The following ZNF652 variants were observed in gnomAD, a reference collection of about 807,000 sequenced individuals.
ZNF652 encodes the protein zinc finger protein 652.
A neutral mutation model predicts 45.2 loss-of-function variants in ZNF652; 16 were observed. The ratio of observed to expected loss-of-function variants is 0.35; its 90% confidence interval spans 0.24 to 0.54. The LOEUF is 0.54. Ranked by LOEUF, ZNF652 falls within the 20% of genes least tolerant of loss-of-function variation. The probability of loss-of-function intolerance (pLI) is 0.91; values close to 1 mark genes in which losing one functional copy is unlikely to be tolerated. For synonymous variants in ZNF652, 250 were observed against 260.6 expected, an observed-to-expected ratio of 0.96 and a Z score of 0.39; for missense variants, 614 against 765.6, an observed-to-expected ratio of 0.80 and a Z score of 2.34.
rs147522359 is a variant in ZNF652, at chr17:49,295,937, C to CAAAAAAAAAAAAA, written c.*2463_*2475dup. 17 of 51,220 alleles carry CAAAAAAAAAAAAA rather than the reference C, an allele frequency of 3.3e-4. No homozygotes were observed. Among genetic ancestry groups the CAAAAAAAAAAAAA allele is most frequent in the Admixed American group, 5.4e-4 (2 of 3,730 alleles). 3.2% of individuals were successfully genotyped at this position (51,220 alleles called of 1,614,324 possible). A position where few individuals can be genotyped will look rare whatever the true frequency, so the allele number is the denominator to read the frequency against. ...CAGGCAACAGAACAAGACTCTGCCT[C>CAAAAAAAAAAAAA]AAAAAAAAAAAAAAAAAAAAAAAAA... On this transcript the variant is annotated 3_prime_UTR_variant, in exon 6 of 6. Coordinates refer to ENST00000430262, the MANE Select transcript of ZNF652 (RefSeq NM_001145365.3).
chr17:49,361,762 C>A (rs2070398245), intron 1 of ZNF652, 147 bp downstream of exon 1: 2 of 152,036 alleles, frequency 1.3e-5, no homozygotes, highest in African/African-American at 4.8e-5. Context: ...ATGGGGGCTG[C>A]TCCGGCCTAG....
chr17:49,329,360 A>G (rs2069999074), intron 1 of ZNF652, among the ~76,000 whole-genome samples: 1 of 152,250 alleles, frequency 6.6e-6, no homozygotes, highest in African/African-American at 2.4e-5. Context: ...TTTTGTTATT[A>G]CAGTATCAAC....
rs2070394702 is a variant in ZNF652, at chr17:49,361,571, T to A, written c.-259+338A>T. Among the ~76,000 whole-genome samples the A allele has an allele frequency of 2.6e-5, 4 of 152,238 alleles. No homozygotes were observed. The South Asian group carries it at 8.3e-4, about 32-fold the overall frequency. On this transcript the variant is annotated intron_variant, in intron 1 of 5. Coordinates refer to ENST00000430262, the MANE Select transcript of ZNF652 (RefSeq NM_001145365.3). ...GCTCGCAGGAGGACCGGTGCAAACC[T>A]CCTCTCGGCCCGCTAACCCGTGCCG...
At chr17:49,352,462 A>G (rs1331534109) in intron 1 of ZNF652, among the ~76,000 whole-genome samples, 3 of 152,226 alleles carry the variant, frequency 2.0e-5, no homozygotes, top group South Asian at 4.1e-4. Context: ...TTCTTCTCAT[A>G]AGGCTCAAAA....
At position 49,293,199 on chromosome 17, in the gene ZNF652, A is replaced by G. The variant is rs145149232; in HGVS notation, c.*5214T>C. Among the ~76,000 whole-genome samples, 1,181 of 152,342 alleles carry G rather than the reference A, an allele frequency of 7.8e-3. 21 individuals are homozygous for G. Among genetic ancestry groups the G allele is most frequent in the African/African-American group, 0.025 (1,032 of 41,584 alleles). On this transcript the variant is annotated 3_prime_UTR_variant, in exon 6 of 6. Coordinates refer to ENST00000430262, the MANE Select transcript of ZNF652 (RefSeq NM_001145365.3). ...AGTTTCTTACTACAATACAGATTCT[A>G]TCTAGTGAACAAGAAACAGTTTGTT... is the stretch of plus-strand genomic sequence containing the variant.
In ZNF652 at chr17:49,298,628, T is replaced by C. The variant is rs749933477; in HGVS notation, c.1606A>G (p.Ser536Gly). ...GGGATGGGCCGAGGGGGAAGAGTGC[T>C]TACAGGATTCATATTGATTGGAGGG... is the stretch of plus-strand genomic sequence containing the variant. Reference protein sequence around the residue: ...PTPPINMNPVSTLPPRPIPHP... With the variant: ...PTPPINMNPVGTLPPRPIPHP... Residue 536 changes from serine to glycine, a missense_variant, in exon 6 of 6, where the codon AGC (serine) becomes GGC (glycine). Around this residue, in one of 5 missense-constraint regions of ZNF652, gnomAD observed 132 missense variants for 137.2 expected, o/e 0.96. Transcript: ENST00000430262. 1.6e-5 allele frequency: 26 copies of C among 1,613,526 alleles called. No individual in the cohort carries two copies. The South Asian group carries it at 2.6e-4, about 16-fold the overall frequency.
intron 1 of ZNF652, among the ~76,000 whole-genome samples, chr17:49,340,352 T>C (rs2070131366): frequency 1.3e-5 from 2 of 151,946 alleles, no homozygotes; most frequent in African/African-American, 4.8e-5. Flanking sequence ...GGTCAGGAGT[T>C]TGAGACCAGC....
chr17:49,316,635 C>T (rs1034744323), intron 2 of ZNF652, among the ~76,000 whole-genome samples, 191 bp downstream of exon 2: 1 of 152,146 alleles, frequency 6.6e-6, no homozygotes, highest in African/African-American at 2.4e-5. Flanking sequence ...ACTAGTCCAG[C>T]GTCAAATTTA....
intron 1 of ZNF652, among the ~76,000 whole-genome samples, chr17:49,355,897 T>TA (rs998718071): frequency 4.7e-4 from 70 of 149,178 alleles, no homozygotes; most frequent in Admixed American, 1.2e-3. Context: ...AGACACCAAT[T>TA]AAAAAAAAAA....
At chr17:49,343,928 G>A (rs1275553769) in intron 1 of ZNF652, among the ~76,000 whole-genome samples, 1 of 152,116 alleles carries the variant, frequency 6.6e-6, no homozygotes, top group African/African-American at 2.4e-5. Flanking sequence ...GCCAGGCGCG[G>A]TGGCTCAAGC....
chr17:49,312,093 A>C, intron 3 of ZNF652, 51 bp from the exon 4 acceptor site: 63 of 1,440,058 alleles, frequency 4.4e-5, no homozygotes, highest in Non-Finnish European at 5.6e-5. Flanking sequence ...CAAAAAGCTC[A>C]AACTAAAAAG....
At chr17:49,361,466 C>G (rs1211736522) in intron 1 of ZNF652, among the ~76,000 whole-genome samples, 1 of 152,108 alleles carries the variant, frequency 6.6e-6, no homozygotes, top group Non-Finnish European at 1.5e-5. Flanking sequence ...GCACAATACT[C>G]CCGGGGGTTG....
intron 1 of ZNF652, among the ~76,000 whole-genome samples, chr17:49,324,483 T>G (rs2143828725): frequency 6.6e-6 from 1 of 152,000 alleles, no homozygotes. Context: ...CTCCACCTCC[T>G]GGGTTCAAGC....
intron 1 of ZNF652, among the ~76,000 whole-genome samples, chr17:49,351,441 C>A (rs1018617043): frequency 6.6e-6 from 1 of 151,752 alleles, no homozygotes; most frequent in Admixed American, 6.6e-5. Context: ...ATGGTACATA[C>A]AGACACAGGC....
intron 1 of ZNF652, among the ~76,000 whole-genome samples, chr17:49,327,781 T>A (rs56176724): frequency 0.046 from 262 of 5,636 alleles, no homozygotes; most frequent in Middle Eastern, 0.12. Context: ...ATATATATAT[T>A]TTTTTTTTTT....
intron 1 of ZNF652, among the ~76,000 whole-genome samples, chr17:49,325,618 C>G (rs1054012498): frequency 2.6e-5 from 4 of 151,520 alleles, no homozygotes; most frequent in African/African-American, 9.7e-5. Context: ...CAAGGTAGGC[C>G]TTCAGCCTGG....
chr17:49,308,791 T>C (rs1178924304), intron 5 of ZNF652, among the ~76,000 whole-genome samples: 6 of 147,392 alleles, frequency 4.1e-5, no homozygotes, highest in Admixed American at 2.7e-4. Flanking sequence ...GACAGAGCAA[T>C]AGTCCGTCTC....
chr17:49,311,161 A>G, intron 5 of ZNF652, 151 bp downstream of exon 5: 1 of 742,406 alleles, frequency 1.3e-6, no homozygotes, highest in East Asian at 2.8e-5. Flanking sequence ...CAGTATCACT[A>G]ATCTATATTT....
intron 1 of ZNF652, among the ~76,000 whole-genome samples, chr17:49,323,939 G>A (rs1370248735): frequency 1.3e-5 from 2 of 152,154 alleles, no homozygotes; most frequent in Non-Finnish European, 1.5e-5. Flanking sequence ...TGGATTTTTG[G>A]AATAGTAAGT....
Sources: allele counts gnomAD v4.1 joint callset (sites outside exome capture counted in the v4.1 genomes callset), GRCh38; gene constraint gnomAD v4.1.1; regional missense constraint gnomAD v4.1.1; transcripts MANE v1.5; gene names NCBI Gene and HGNC (gene_info 2026-07-23, HGNC 2026-07-21).